Variants in NPHP1 observed in about 807,000 individuals in gnomAD.
NPHP1 encodes nephrocystin-1.
In NPHP1, 70 loss-of-function variants were observed where a neutral mutation model predicts 90.4. That is an observed-to-expected ratio of 0.77 (90% CI 0.64 to 0.95). The LOEUF is 0.95. Among genes scored for constraint, NPHP1 ranks in the 40% least tolerant of loss-of-function variants. The probability of loss-of-function intolerance (pLI) is 0.00; values close to 1 mark genes in which losing one functional copy is unlikely to be tolerated. For missense variants in NPHP1, 764 were observed against 795.9 expected (o/e 0.96, Z 0.48); for synonymous variants, 256 against 271.7 (o/e 0.94, Z 0.57).
intron 18 of NPHP1, chr2:110,126,609 A>G (rs191617980): frequency 6.5e-6 from 1 of 152,764 alleles, no homozygotes; most frequent in Non-Finnish European, 1.5e-5. Context: ...GGACCCTTAC[A>G]GAACCAGAGT....
At chr2:110,129,869 T>C (rs138741638) in intron 17 of NPHP1, among the ~76,000 whole-genome samples, 1 of 152,292 alleles carries the variant, frequency 6.6e-6, no homozygotes, top group Non-Finnish European at 1.5e-5. Flanking sequence ...AAGAAGCACA[T>C]CAGGAAAGAC....
At chr2:110,189,804 A>G (rs1330841359) in intron 2 of NPHP1, among the ~76,000 whole-genome samples, 3 of 152,084 alleles carry the variant, frequency 2.0e-5, no homozygotes, top group Non-Finnish European at 4.4e-5. Context: ...TGTCCACACA[A>G]AGGTTCTCCA....
At chr2:110,185,220 C>T in intron 2 of NPHP1, 1 of 520,950 alleles carries the variant, frequency 1.9e-6, no homozygotes, top group Non-Finnish European at 3.8e-6. Context: ...GAAGTTAACT[C>T]CACTTTAAAA....
At chr2:110,131,845 A>G (rs1679808085) in intron 16 of NPHP1, 54 bp from the exon 17 acceptor site, 1 of 1,147,550 alleles carries the variant, frequency 8.7e-7, no homozygotes, top group Admixed American at 1.9e-5. Flanking sequence ...AATCCAACTT[A>G]TAATGTTTTG....
intron 13 of NPHP1, among the ~76,000 whole-genome samples, chr2:110,147,593 T>C (rs527733038): frequency 1.3e-5 from 2 of 152,144 alleles, no homozygotes; most frequent in Admixed American, 6.5e-5. Context: ...ACTCTGCCCC[T>C]GGAAGACAGA....
At chr2:110,150,387 C>CTTATTATTTCACTTATTA in intron 11 of NPHP1, 131 bp from the exon 12 acceptor site, 1 of 803,020 alleles carries the variant, frequency 1.2e-6, no homozygotes. Flanking sequence ...TCACTTTTTA[C>CTTATTATTTCACTTATTA]TTCATGTAAT....
rs1182505851 is a variant in NPHP1, at chr2:110,204,936, C to G, written c.33G>C (p.Gln11His). The G allele has an allele frequency of 1.9e-6, 3 of 1,614,058 alleles. No individual in the cohort carries two copies. The highest frequency in any genetic ancestry group is 3.3e-5 in the Admixed American group (2 of 60,028). MLARRQRDPL[Q>H]ALRRRNQELK... ...GCTCCTGATTGCGGCGCCGCAGGGC[C>G]TGGAGAGGATCTCGCTGTCGTCTCG... The change falls in exon 1 of 20, where the codon CAG (glutamine) becomes CAC (histidine). Residue 11 changes from glutamine to histidine, a missense_variant. Gln to His is a conservative substitution (Grantham distance 24). Transcript: ENST00000445609.
chr2:110,124,403 C>G (rs1298089948), intron 19 of NPHP1: 3 of 360,930 alleles, frequency 8.3e-6, no homozygotes, highest in African/African-American at 2.1e-5. Context: ...GTAAATATAA[C>G]TAAAACAATG....
At chr2:110,154,941 C>T (rs1296695182) in intron 11 of NPHP1, among the ~76,000 whole-genome samples, 1 of 152,120 alleles carries the variant, frequency 6.6e-6, no homozygotes, top group Non-Finnish European at 1.5e-5. Flanking sequence ...ATGTTACTCC[C>T]CAAGACAATG....
chr2:110,129,133 G>T, intron 18 of NPHP1, 53 bp downstream of exon 18: 1 of 1,343,180 alleles, frequency 7.4e-7, no homozygotes, highest in Non-Finnish European at 1.1e-6. Context: ...AACACAGAGT[G>T]TATAACTGCT....
chr2:110,152,663 G>T (rs1221306471), intron 11 of NPHP1, among the ~76,000 whole-genome samples: 2 of 150,804 alleles, frequency 1.3e-5, no homozygotes, highest in African/African-American at 4.9e-5. Context: ...AAGCAAGTAG[G>T]AGGACAAAGA....
intron 11 of NPHP1, among the ~76,000 whole-genome samples, chr2:110,156,335 C>T (rs1681885823): frequency 6.6e-6 from 1 of 152,090 alleles, no homozygotes; most frequent in Admixed American, 6.5e-5. Flanking sequence ...TCTCTGTTCT[C>T]TTGTCTGCCA....
chr2:110,180,872 C>T, intron 2 of NPHP1, among the ~76,000 whole-genome samples: 1 of 152,176 alleles, frequency 6.6e-6, no homozygotes, highest in East Asian at 1.9e-4. Context: ...GGGTCCAATA[C>T]ACAGAACTGT....
chr2:110,164,913 T>A, intron 7 of NPHP1, 139 bp downstream of exon 7: 1 of 878,824 alleles, frequency 1.1e-6, no homozygotes, highest in Non-Finnish European at 1.9e-6. Flanking sequence ...TAATGATCTT[T>A]AAGCAGACAA....
chr2:110,150,043 A>G (rs559875700), intron 12 of NPHP1, 139 bp downstream of exon 12: 1 of 756,956 alleles, frequency 1.3e-6, no homozygotes, highest in Admixed American at 2.0e-5. Flanking sequence ...AACATGAGTA[A>G]TTTTTATCAA....
Position 110,161,585 on chromosome 2 carries a change from G to A in NPHP1, c.954+18C>T. On this transcript the variant is annotated intron_variant, in intron 10 of 19. Coordinates refer to ENST00000445609, the MANE Select transcript of NPHP1 (RefSeq NM_001128178.3). ...AATCTGGAAGAGTTACACTTTTACT[G>A]ATAGTAACTATACTTACAGTGCCTT... is the stretch of plus-strand genomic sequence containing the variant. 1 of 1,492,468 alleles carries A rather than the reference G, an allele frequency of 6.7e-7. No homozygotes were observed. Among genetic ancestry groups the A allele is most frequent in the African/African-American group, 1.4e-5 (1 of 72,782 alleles). The allele number at this position is 1,492,468 out of a possible 1,614,324, so 92.5% of individuals were successfully genotyped here. A position where few individuals can be genotyped will look rare whatever the true frequency, so the allele number is the denominator to read the frequency against.
intron 1 of NPHP1, among the ~76,000 whole-genome samples, chr2:110,202,974 A>G (rs1421111979): frequency 6.6e-6 from 1 of 152,192 alleles, no homozygotes; most frequent in Non-Finnish European, 1.5e-5. Flanking sequence ...ATGCATGTGT[A>G]TGTTCCCTAC....
intron 8 of NPHP1, chr2:110,164,462 C>A (rs1022529078): frequency 6.0e-6 from 5 of 839,030 alleles, no homozygotes; most frequent in South Asian, 5.5e-5. Context: ...TCAAGTGACA[C>A]CATGAATTAT....
At chr2:110,168,404 C>CAAAA in intron 6 of NPHP1, 48 bp downstream of exon 6, 1 of 1,070,298 alleles carries the variant, frequency 9.3e-7, no homozygotes, top group Non-Finnish European at 1.4e-6. Flanking sequence ...TTATTAAAAG[C>CAAAA]GAAAAAAAAA....
Sources: gnomAD v4.1 joint callset for allele counts (sites outside exome capture counted in the v4.1 genomes callset) on GRCh38, gnomAD v4.1.1 for gene constraint, MANE v1.5 for transcripts, NCBI Gene and HGNC (gene_info 2026-07-23, HGNC 2026-07-21) for gene names.